Variants in RAD18 observed in about 807,000 individuals in gnomAD.
RAD18 encodes the protein RAD18 E3 ubiquitin protein ligase.
Under a neutral mutation model 60.4 loss-of-function variants are expected in RAD18, and 47 were observed. The ratio of observed to expected loss-of-function variants is 0.78; its 90% confidence interval spans 0.62 to 0.99. RAD18 has a LOEUF of 0.99. RAD18 is among the 50% of genes least tolerant of loss of function. The probability of loss-of-function intolerance (pLI) is 0.00; values close to 1 mark genes in which losing one functional copy is unlikely to be tolerated. For synonymous variants in RAD18, 225 were observed against 195.5 expected, an observed-to-expected ratio of 1.15 and a Z score of -1.26; for missense variants, 640 against 593.3, an observed-to-expected ratio of 1.08 and a Z score of -0.82.
intron 9 of RAD18, among the ~76,000 whole-genome samples, chr3:8,911,835 C>T (rs1940110292): frequency 6.6e-6 from 1 of 152,068 alleles, no homozygotes; most frequent in Non-Finnish European, 1.5e-5. Context: ...AATGTGTTAG[C>T]CCTGGGAAAG....
chr3:8,912,772 G>T (rs1251407653), intron 8 of RAD18, among the ~76,000 whole-genome samples: 1 of 152,022 alleles, frequency 6.6e-6, no homozygotes, highest in Non-Finnish European at 1.5e-5. Flanking sequence ...AACTTCTCCA[G>T]GTCATTATAG....
chr3:8,893,985 C>T (rs557048549), intron 11 of RAD18, among the ~76,000 whole-genome samples: 5 of 152,256 alleles, frequency 3.3e-5, no homozygotes, highest in East Asian at 3.9e-4. Flanking sequence ...TGAGCCACCA[C>T]ATCCAGCCTT....
intron 9 of RAD18, among the ~76,000 whole-genome samples, chr3:8,903,200 A>G (rs976356424): frequency 2.0e-5 from 3 of 152,164 alleles, no homozygotes; most frequent in Non-Finnish European, 4.4e-5. Flanking sequence ...ATATGGAAAC[A>G]TGATATTCCT....
At chr3:8,931,637 G>A (rs954802160) in intron 7 of RAD18, 1 of 152,188 alleles carries the variant, frequency 6.6e-6, no homozygotes, top group Non-Finnish European at 1.5e-5. Context: ...ACATTTCTTA[G>A]GGGAACAACA....
At chr3:8,948,654 T>A (rs181317430) in intron 2 of RAD18, 84 bp from the exon 3 acceptor site, 1 of 1,202,268 alleles carries the variant, frequency 8.3e-7, no homozygotes, top group Non-Finnish European at 1.2e-6. Flanking sequence ...TCTTAAGCCC[T>A]AGACTATTTC....
chr3:8,909,838 G>A (rs341778), intron 9 of RAD18, among the ~76,000 whole-genome samples: 82,233 of 152,082 alleles, frequency 0.54, 26,206 homozygotes, highest in Middle Eastern at 0.71. Flanking sequence ...AATAGCTGAT[G>A]AGAGAAAAAA....
intron 9 of RAD18, among the ~76,000 whole-genome samples, chr3:8,908,356 C>A (rs1940049211): frequency 6.6e-6 from 1 of 151,676 alleles, no homozygotes; most frequent in Admixed American, 6.6e-5. Context: ...AGAGGAGCCA[C>A]CCCTGAGGTC....
At chr3:8,929,548 C>A (rs773193312) in intron 7 of RAD18, among the ~76,000 whole-genome samples, 6 of 151,990 alleles carry the variant, frequency 3.9e-5, no homozygotes, top group Non-Finnish European at 8.8e-5. Context: ...GTTTAATATT[C>A]AAAAATTAAT....
intron 9 of RAD18, among the ~76,000 whole-genome samples, chr3:8,905,978 T>A (rs1332275965): frequency 6.6e-6 from 1 of 152,188 alleles, no homozygotes. Context: ...ACAACTGTCC[T>A]TGCTATAATT....
chr3:8,922,311 G>A (rs1940337196), intron 7 of RAD18, among the ~76,000 whole-genome samples: 1 of 152,336 alleles, frequency 6.6e-6, no homozygotes, highest in South Asian at 2.1e-4. Flanking sequence ...GGCTCGGAGG[G>A]TCCTACGCCC....
rs185028738 is a variant in RAD18 at position 8,922,078 on chromosome 3, C to T, written c.890-8358G>A. Among the ~76,000 whole-genome samples, 39 of 152,286 alleles carry T rather than the reference C, an allele frequency of 2.6e-4. No individual in the cohort carries two copies. In the East Asian group the frequency reaches 5.4e-3, roughly 21 times the overall value. On this transcript the variant is annotated intron_variant, in intron 7 of 12. Transcript: ENST00000264926. ...CCAGGTTCATCTCACTGGGGATTTT[C>T]GGACAGTGGGTGCAGGACAGTGGGA...
chr3:8,910,383 G>A (rs1025487603), intron 9 of RAD18, among the ~76,000 whole-genome samples: 3 of 152,010 alleles, frequency 2.0e-5, no homozygotes, highest in Non-Finnish European at 2.9e-5. Context: ...GGCGGATCAC[G>A]AGGTCAGGAG....
Position 8,959,003 on chromosome 3 carries a change from T to C in RAD18, c.52-2A>G. ...ACACCGCAGCAAATCATCTATTGTC[T>C]GAAATGCAAATATGCATATATACAT... On this transcript the variant is annotated splice_acceptor_variant, in intron 1 of 12. Coordinates refer to ENST00000264926, the MANE Select transcript of RAD18 (RefSeq NM_020165.4). LOFTEE classifies it high-confidence loss of function. 6.2e-7 allele frequency: 1 copy of C among 1,613,058 alleles called. No homozygotes were observed. Among genetic ancestry groups the C allele is most frequent in the Non-Finnish European group, 8.5e-7 (1 of 1,179,094 alleles).
intron 12 of RAD18, among the ~76,000 whole-genome samples, chr3:8,885,720 C>T (rs1331241069): frequency 6.6e-6 from 1 of 152,176 alleles, no homozygotes; most frequent in Non-Finnish European, 1.5e-5. Context: ...CAACAGGTTA[C>T]AGGAGGAGCT....
At chr3:8,941,843 C>A in intron 4 of RAD18, 39 bp from the exon 5 acceptor site, 1 of 1,494,722 alleles carries the variant, frequency 6.7e-7, no homozygotes, top group South Asian at 1.2e-5. Flanking sequence ...TTAAGAGATC[C>A]AATTTTACAT....
In RAD18 at chr3:8,881,395, C is replaced by T. The variant is rs190987093; in HGVS notation, c.1450G>A (p.Ala484Thr). The part of the protein sequence containing the change: ...QNRRTRAAES[A>T]EIEPRNKRNR... The stretch of plus-strand genomic sequence containing the variant: ...CGCTTGTTTCTTGGTTCAATCTCAG[C>T]ACTTTCAGCGGCTCTTGTGCGGCGA... Residue 484 changes from alanine (A) to threonine (T), a missense_variant, in exon 13 of 13, where the codon GCT (alanine) becomes ACT (threonine). Physicochemically the swap from Ala to Thr is moderately conservative, Grantham distance 58. Transcript: ENST00000264926. 11 of 1,613,052 alleles carry T rather than the reference C, an allele frequency of 6.8e-6. No individual in the cohort carries two copies. Among genetic ancestry groups the T allele is most frequent in the Middle Eastern group, 1.7e-4 (1 of 6,058 alleles).
chr3:8,940,132 A>T (rs1170312727), intron 5 of RAD18, among the ~76,000 whole-genome samples: 1 of 152,204 alleles, frequency 6.6e-6, no homozygotes, highest in East Asian at 1.9e-4. Context: ...AAATTTGTTA[A>T]TTTAGCTCTC....
chr3:8,894,092 G>A (rs994428424), intron 11 of RAD18, among the ~76,000 whole-genome samples: 1 of 152,154 alleles, frequency 6.6e-6, no homozygotes, highest in African/African-American at 2.4e-5. Context: ...GAATGGGAAT[G>A]CAAAACTCAT....
intron 2 of RAD18, among the ~76,000 whole-genome samples, chr3:8,954,953 G>A (rs1311472364): frequency 6.6e-6 from 1 of 152,114 alleles, no homozygotes; most frequent in African/African-American, 2.4e-5. Context: ...TGAAAAAAAA[G>A]TGCTCATAAA....
Sources: allele counts gnomAD v4.1 joint callset (sites outside exome capture counted in the v4.1 genomes callset), GRCh38; gene constraint gnomAD v4.1.1; transcripts MANE v1.5; gene names NCBI Gene and HGNC (gene_info 2026-07-23, HGNC 2026-07-21).